Variants in YIPF4 observed in about 807,000 individuals in gnomAD.
YIPF4 encodes protein YIPF4.
YIPF4 carries 18 observed loss-of-function variants against 29.4 expected under a neutral mutation model. That is an observed-to-expected ratio of 0.61 (90% CI 0.42 to 0.91). YIPF4 has a LOEUF of 0.91. YIPF4 is among the 40% of genes least tolerant of loss of function. The pLI, the probability that YIPF4 is intolerant of heterozygous loss-of-function variation, is 0.00. For synonymous variants in YIPF4, 115 were observed against 104.7 expected, an observed-to-expected ratio of 1.10 and a Z score of -0.60; for missense variants, 279 against 282.7, an observed-to-expected ratio of 0.99 and a Z score of 0.09.
At chr2:32,286,375 C>T (rs1003793966) in intron 1 of YIPF4, among the ~76,000 whole-genome samples, 2 of 151,944 alleles carry the variant, frequency 1.3e-5, no homozygotes, top group African/African-American at 4.8e-5. Context: ...AATTTAAAGA[C>T]ATAAGACAAA....
At chr2:32,293,885 C>CA (rs1388490290) in intron 3 of YIPF4, among the ~76,000 whole-genome samples, 3 of 131,924 alleles carry the variant, frequency 2.3e-5, no homozygotes, top group Non-Finnish European at 4.8e-5. Flanking sequence ...GCTGGCCGGG[C>CA]GGGGGGCTGA....
At chr2:32,296,576 T>C (rs1180088980) in intron 3 of YIPF4, among the ~76,000 whole-genome samples, 2 of 152,194 alleles carry the variant, frequency 1.3e-5, no homozygotes, top group Non-Finnish European at 2.9e-5. Context: ...ATTTGGATTA[T>C]GCATTTTTGG....
chr2:32,289,849 T>C (rs2030837834), intron 1 of YIPF4, among the ~76,000 whole-genome samples: 1 of 152,124 alleles, frequency 6.6e-6, no homozygotes, highest in Non-Finnish European at 1.5e-5. Flanking sequence ...TGAAGATGAA[T>C]GATGTAATTA....
In YIPF4 at chr2:32,313,869, A is replaced by G. The variant is rs888030860; in HGVS notation, c.*8243A>G. The G allele has an allele frequency of 1.8e-4, 27 of 151,650 alleles. No homozygotes were observed. Among genetic ancestry groups the G allele is most frequent in the African/African-American group, 5.8e-4 (24 of 41,196 alleles). 9.4% of individuals were successfully genotyped at this position (151,650 alleles called of 1,614,324 possible). On this transcript the variant is annotated 3_prime_UTR_variant, in exon 6 of 6. Transcript: ENST00000238831. ...AGGCACCCACTGCCACACTCGGCTA[A>G]TTTTTGTATTTTTAGTAGAGACGGG...
At chr2:32,285,709 G>T (rs981826244) in intron 1 of YIPF4, among the ~76,000 whole-genome samples, 1 of 148,896 alleles carries the variant, frequency 6.7e-6, no homozygotes, top group East Asian at 2.0e-4. Flanking sequence ...AGGCTAGAGT[G>T]CAGTGGTGCG....
At position 32,278,135 on chromosome 2, in the gene YIPF4, C is replaced by T. The variant is rs757443057; in HGVS notation, c.-21C>T. 2 of 1,544,766 alleles carry T rather than the reference C, an allele frequency of 1.3e-6. No individual in the cohort carries two copies. Among genetic ancestry groups the T allele is most frequent in the Non-Finnish European group, 1.7e-6 (2 of 1,145,666 alleles). ...CCAGCCGCAGCCTCTTCTACCGCGG[C>T]CGGTTGGGAGTCGCCGCGAGATGCA... On this transcript the variant is annotated 5_prime_UTR_variant, in exon 1 of 6. Coordinates refer to ENST00000238831, the MANE Select transcript of YIPF4 (RefSeq NM_032312.4).
intron 5 of YIPF4, among the ~76,000 whole-genome samples, chr2:32,304,953 C>G (rs752096775): frequency 8.3e-4 from 126 of 151,930 alleles, no homozygotes; most frequent in Admixed American, 1.8e-3. Flanking sequence ...CTGCCTATTC[C>G]TGGGAAAAAA....
intron 5 of YIPF4, among the ~76,000 whole-genome samples, chr2:32,301,793 C>T (rs577879352): frequency 7.2e-5 from 11 of 152,148 alleles, no homozygotes; most frequent in African/African-American, 2.2e-4. Flanking sequence ...GGCTGGAGTG[C>T]CTCCCAGGTT....
At chr2:32,285,508 C>T (rs2030623775) in intron 1 of YIPF4, among the ~76,000 whole-genome samples, 1 of 152,126 alleles carries the variant, frequency 6.6e-6, no homozygotes, top group East Asian at 1.9e-4. Flanking sequence ...TAGATAATTA[C>T]TATCAGTGTT....
In YIPF4 at chr2:32,290,650, A is replaced by G; in HGVS notation, c.233+14A>G. 7.1e-7 allele frequency: 1 copy of G among 1,410,386 alleles called. No individual in the cohort carries two copies. Among genetic ancestry groups the G allele is most frequent in the Non-Finnish European group, 9.3e-7 (1 of 1,079,374 alleles). 87.4% of individuals were successfully genotyped at this position (1,410,386 alleles called of 1,614,324 possible). On this transcript the variant is annotated intron_variant, in intron 2 of 5. Coordinates refer to ENST00000238831, the MANE Select transcript of YIPF4 (RefSeq NM_032312.4). Reference sequence around the variant, plus strand: ...CAAGCCACTCTTGTATGTAAAAATAATAATATATATTTTTTGTTTTTTGAG... The same window carrying G: ...CAAGCCACTCTTGTATGTAAAAATAGTAATATATATTTTTTGTTTTTTGAG...
intron 3 of YIPF4, among the ~76,000 whole-genome samples, chr2:32,295,871 G>A (rs1470739796): frequency 6.6e-6 from 1 of 152,076 alleles, no homozygotes; most frequent in African/African-American, 2.4e-5. Context: ...CCAAAGTGCT[G>A]GGATTACAGG....
In YIPF4 at chr2:32,283,778, C is replaced by T. The variant is rs144260925; in HGVS notation, c.79+5544C>T. Among the ~76,000 whole-genome samples, 1,065 of 150,592 alleles carry T rather than the reference C, an allele frequency of 7.1e-3. 19 individuals carry two copies. The highest frequency in any genetic ancestry group is 0.025 in the African/African-American group (1,022 of 40,992). On this transcript the variant is annotated intron_variant, in intron 1 of 5. Transcript: ENST00000238831. ...TGTTGCCCGGGCTGGAGTGCAATGG[C>T]GCAATCTTGGCTCATTGCAACCTCT...
chr2:32,287,282 GA>G (rs1416788726), intron 1 of YIPF4, among the ~76,000 whole-genome samples: 1 of 152,002 alleles, frequency 6.6e-6, no homozygotes, highest in East Asian at 1.9e-4. Context: ...ATGAAATAAT[GA>G]AATTTATTAA....
chr2:32,291,079 G>A (rs981226198), intron 2 of YIPF4, among the ~76,000 whole-genome samples: 10 of 152,224 alleles, frequency 6.6e-5, no homozygotes, highest in Admixed American at 5.2e-4. Context: ...TTTCTTTATA[G>A]TACTTGAAAT....
In YIPF4 at chr2:32,298,312, G is replaced by A. The variant is rs781107405; in HGVS notation, c.483+1G>A. The A allele has an allele frequency of 6.3e-7, 1 of 1,598,554 alleles. No individual in the cohort carries two copies. The highest frequency in any genetic ancestry group is 1.1e-5 in the South Asian group (1 of 90,134). On this transcript the variant is annotated splice_donor_variant, in intron 4 of 5. Coordinates refer to ENST00000238831, the MANE Select transcript of YIPF4 (RefSeq NM_032312.4). LOFTEE classifies it high-confidence loss of function. ...ACTGGCCAGAGTTCTTGGTGGAGAA[G>A]TAAGTAGTTTATTTTGAAAATAATC...
chr2:32,308,134 C>T lies in YIPF4; in HGVS notation c.*2508C>T. 6.6e-6 allele frequency: 1 copy of T among 151,716 alleles called. No individual in the cohort carries two copies. 9.4% of individuals were successfully genotyped at this position (151,716 alleles called of 1,614,324 possible). A position where few individuals can be genotyped will look rare whatever the true frequency, so the allele number is the denominator to read the frequency against. On this transcript the variant is annotated 3_prime_UTR_variant, in exon 6 of 6. Coordinates refer to ENST00000238831, the MANE Select transcript of YIPF4 (RefSeq NM_032312.4). The stretch of plus-strand genomic sequence containing the variant: ...AGAATTTTGTTGTTGTTGTTTGAGA[C>T]AGAGTCACTCTGTCACCCAAGCTGG...
At chr2:32,304,935 C>T (rs2031525110) in intron 5 of YIPF4, among the ~76,000 whole-genome samples, 1 of 151,920 alleles carries the variant, frequency 6.6e-6, no homozygotes, top group Non-Finnish European at 1.5e-5. Context: ...TTATTCAACC[C>T]TGTATTTCTG....
At chr2:32,283,467 T>C (rs2030523586) in intron 1 of YIPF4, among the ~76,000 whole-genome samples, 2 of 152,312 alleles carry the variant, frequency 1.3e-5, no homozygotes, top group South Asian at 4.1e-4. Flanking sequence ...AAATGTGCTT[T>C]GGTGTTTTGT....
At position 32,301,295 on chromosome 2, in the gene YIPF4, A is replaced by C. The variant is rs2031396053; in HGVS notation, c.484-87A>C. The C allele has an allele frequency of 5.1e-6, 4 of 777,312 alleles. 1 individual carries two copies. In the South Asian group the frequency reaches 6.8e-5, roughly 13 times the overall value. The allele number at this position is 777,312 out of a possible 1,614,324, so 48.2% of individuals were successfully genotyped here. On this transcript the variant is annotated intron_variant, in intron 4 of 5. Coordinates refer to ENST00000238831, the MANE Select transcript of YIPF4 (RefSeq NM_032312.4). ...TCTTAATGCTCACATTTATTTGAAT[A>C]CAGCAAGGAATATATGGTGTTCAAT... is the stretch of plus-strand genomic sequence containing the variant.
Sources: gnomAD v4.1 joint callset for allele counts (sites outside exome capture counted in the v4.1 genomes callset) on GRCh38, gnomAD v4.1.1 for gene constraint, MANE v1.5 for transcripts, NCBI Gene and HGNC (gene_info 2026-07-23, HGNC 2026-07-21) for gene names.